The following SUSD4 variants were observed in gnomAD, a reference collection of about 807,000 sequenced individuals.
SUSD4 encodes sushi domain containing 4.
Under a neutral mutation model 50.5 loss-of-function variants are expected in SUSD4, and 41 were observed. The observed-to-expected ratio is 0.81, with a 90% CI of 0.63 to 1.05. The LOEUF is 1.05. SUSD4 is among the 50% of genes least tolerant of loss of function. The pLI is 0.00. For missense variants in SUSD4, 580 were observed against 634.7 expected (o/e 0.91, Z 0.93); for synonymous variants, 257 against 257.3 (o/e 1.00, Z 0.01).
In SUSD4 at chr1:223,334,562, A is replaced by G. The variant is rs79225692; in HGVS notation, c.148+28716T>C. Among the ~76,000 whole-genome samples, 921 of 152,326 alleles carry G rather than the reference A, an allele frequency of 6.0e-3. 10 individuals are homozygous for G. Among genetic ancestry groups the G allele is most frequent in the African/African-American group, 0.021 (882 of 41,568 alleles). The stretch of plus-strand genomic sequence containing the variant: ...GGGAATTTCAGAGAACCAAAGATAA[A>G]GAGAAAATCTGGGGAGAGGCTGGGT... On this transcript the variant is annotated intron_variant, in intron 2 of 8. Transcript: ENST00000366878.
chr1:223,228,111 C>T (rs1314575795), intron 6 of SUSD4, among the ~76,000 whole-genome samples: 3 of 152,134 alleles, frequency 2.0e-5, no homozygotes, highest in Non-Finnish European at 2.9e-5. Context: ...GAGTGGGAAG[C>T]TGGGCCCTTT....
chr1:223,340,034 A>G (rs1039606677), intron 2 of SUSD4, among the ~76,000 whole-genome samples: 4 of 152,206 alleles, frequency 2.6e-5, no homozygotes, highest in African/African-American at 9.6e-5. Context: ...ACAACAGGCC[A>G]GGAAGAATTG....
At chr1:223,334,730 T>A (rs1667363874) in intron 2 of SUSD4, among the ~76,000 whole-genome samples, 1 of 152,096 alleles carries the variant, frequency 6.6e-6, no homozygotes, top group Admixed American at 6.5e-5. Flanking sequence ...GGAGAACAGG[T>A]GGTATTTGGT....
chr1:223,284,185 C>A (rs910714266), intron 3 of SUSD4, among the ~76,000 whole-genome samples: 5 of 152,086 alleles, frequency 3.3e-5, no homozygotes, highest in Non-Finnish European at 7.4e-5. Flanking sequence ...ACATATGTAA[C>A]AAACCTGCAC....
At chr1:223,329,578 C>A (rs1363762076) in intron 2 of SUSD4, among the ~76,000 whole-genome samples, 4 of 152,216 alleles carry the variant, frequency 2.6e-5, no homozygotes, top group Admixed American at 2.6e-4. Context: ...AAGGCACACA[C>A]TCCTGATTTG....
At chr1:223,318,014 G>C (rs866004071) in intron 2 of SUSD4, among the ~76,000 whole-genome samples, 14 of 73,662 alleles carry the variant, frequency 1.9e-4, no homozygotes, top group East Asian at 8.2e-4. Flanking sequence ...CCCCTCCCCC[G>C]ACCCCACCAC....
At chr1:223,245,817 G>A (rs1295568542) in intron 5 of SUSD4, among the ~76,000 whole-genome samples, 2 of 152,170 alleles carry the variant, frequency 1.3e-5, no homozygotes, top group Admixed American at 6.5e-5. Flanking sequence ...TTCTAAATAG[G>A]GCTTGGTGAT....
intron 5 of SUSD4, among the ~76,000 whole-genome samples, chr1:223,252,699 A>G (rs936473657): frequency 6.6e-6 from 1 of 151,046 alleles, no homozygotes; most frequent in African/African-American, 2.4e-5. Context: ...GTTTTAAAAT[A>G]TGAATTTCCA....
At chr1:223,273,110 G>A (rs1169633705) in intron 3 of SUSD4, among the ~76,000 whole-genome samples, 1 of 152,178 alleles carries the variant, frequency 6.6e-6, no homozygotes, top group Non-Finnish European at 1.5e-5. Context: ...AATTATGTAT[G>A]GGTCTTGGAG....
At chr1:223,277,657 G>A (rs964445509) in intron 3 of SUSD4, among the ~76,000 whole-genome samples, 3 of 152,158 alleles carry the variant, frequency 2.0e-5, no homozygotes, top group African/African-American at 7.2e-5. Context: ...CTGACAGGCA[G>A]CCTGGGTTGC....
intron 2 of SUSD4, among the ~76,000 whole-genome samples, chr1:223,307,611 C>CG (rs1457025173): frequency 5.3e-5 from 8 of 151,934 alleles, no homozygotes; most frequent in Admixed American, 4.6e-4. Context: ...GGGACTTTTG[C>CG]GGGGGGATTG....
At chr1:223,294,596 T>C (rs1254878659) in intron 2 of SUSD4, among the ~76,000 whole-genome samples, 1 of 152,212 alleles carries the variant, frequency 6.6e-6, no homozygotes, top group Non-Finnish European at 1.5e-5. Flanking sequence ...AGTGCTTACT[T>C]TGTGCAGAGG....
chr1:223,344,590 A>G (rs1386340754), intron 2 of SUSD4, among the ~76,000 whole-genome samples: 2 of 151,928 alleles, frequency 1.3e-5, no homozygotes, highest in Non-Finnish European at 1.5e-5. Flanking sequence ...TGCCAAGGAC[A>G]ATGTTCGCTT....
chr1:223,343,605 G>T (rs879824361), intron 2 of SUSD4, among the ~76,000 whole-genome samples: 1 of 152,076 alleles, frequency 6.6e-6, no homozygotes, highest in Non-Finnish European at 1.5e-5. Context: ...ATACTATTTG[G>T]GGGGAGAATG....
intron 5 of SUSD4, among the ~76,000 whole-genome samples, chr1:223,260,935 A>T (rs1458467372): frequency 2.6e-5 from 4 of 151,858 alleles, no homozygotes; most frequent in Non-Finnish European, 5.9e-5. Flanking sequence ...TCAAACACTG[A>T]CCCTCACAAA....
intron 1 of SUSD4, 148 bp downstream of exon 1, chr1:223,363,909 T>G: frequency 6.6e-6 from 1 of 151,624 alleles, no homozygotes; most frequent in Non-Finnish European, 1.5e-5. Flanking sequence ...TCGATCCTAC[T>G]GCCCCAGTCC....
rs143318183 is a variant in SUSD4, at chr1:223,231,735, C to G, written c.725-2347G>C. Among the ~76,000 whole-genome samples the G allele has an allele frequency of 0.02, 3,074 of 152,302 alleles. 58 individuals carry two copies. The highest frequency in any genetic ancestry group is 0.041 in the Middle Eastern group (12 of 294). ...TCTTCTCTCCTTGGAGGCCCTCCTC[C>G]GTGCTGCTTCTCCTCTACTCAATTC... On this transcript the variant is annotated intron_variant, in intron 5 of 8. Transcript: ENST00000366878. This position sits in a 1 kb window ranked among gnomAD's most constrained non-coding sequence, Gnocchi z 4.2.
At chr1:223,241,528 GT>G (rs1197645033) in intron 5 of SUSD4, among the ~76,000 whole-genome samples, 1 of 152,202 alleles carries the variant, frequency 6.6e-6, no homozygotes, top group Non-Finnish European at 1.5e-5. Flanking sequence ...GAGAGCAGCA[GT>G]TTGCCCTGTG....
At chr1:223,225,183 T>A (rs1468879591) in intron 7 of SUSD4, among the ~76,000 whole-genome samples, 1 of 152,028 alleles carries the variant, frequency 6.6e-6, no homozygotes, top group Non-Finnish European at 1.5e-5. Flanking sequence ...ACTTGGTTTC[T>A]TATTGTCTCT....
Sources: allele counts gnomAD v4.1 joint callset (sites outside exome capture counted in the v4.1 genomes callset), GRCh38; gene constraint gnomAD v4.1.1; non-coding constraint Gnocchi (gnomAD v3.1); transcripts MANE v1.5; gene names NCBI Gene and HGNC (gene_info 2026-07-23, HGNC 2026-07-21).